ZCCHC14: variants seen among roughly 807,000 people sequenced by gnomAD.
The protein encoded by ZCCHC14 is zinc finger CCHC-type containing 14.
Under a neutral mutation model 85.0 loss-of-function variants are expected in ZCCHC14, and 16 were observed. That is an observed-to-expected ratio of 0.19 (90% confidence interval 0.13 to 0.29). ZCCHC14 has a LOEUF of 0.29. Ranked by LOEUF, ZCCHC14 falls within the 10% of genes least tolerant of loss-of-function variation. The probability of loss-of-function intolerance (pLI) is 1.00; values close to 1 mark genes in which losing one functional copy is unlikely to be tolerated. For missense variants in ZCCHC14, 1,303 were observed against 1,443.5 expected (o/e 0.90, Z 1.58); for synonymous variants, 775 against 630.7 (o/e 1.23, Z -3.43).
chr16:87,422,000 G>A (rs543977880), intron 4 of ZCCHC14, among the ~76,000 whole-genome samples: 1 of 152,122 alleles, frequency 6.6e-6, no homozygotes, highest in Non-Finnish European at 1.5e-5. Context: ...ACCAGATTCA[G>A]AAATAACTCA....
chr16:87,421,538 T>C (rs1409818556), intron 4 of ZCCHC14, among the ~76,000 whole-genome samples: 3 of 152,054 alleles, frequency 2.0e-5, no homozygotes, highest in South Asian at 4.2e-4. Flanking sequence ...CAGGCTGGGC[T>C]GCAAGAGTGA....
At chr16:87,481,552 G>GGGA (rs1567544383) in intron 1 of ZCCHC14, among the ~76,000 whole-genome samples, 2 of 31,166 alleles carry the variant, frequency 6.4e-5, no homozygotes, top group Non-Finnish European at 1.4e-4. Context: ...TGGGGGGGGG[G>GGGA]AAGGGTAAGC....
At position 87,492,139 on chromosome 16, in the gene ZCCHC14, C is replaced by T; in HGVS notation, c.100G>A (p.Asp34Asn). 1 of 1,310,188 alleles carries T rather than the reference C, an allele frequency of 7.6e-7. No individual in the cohort carries two copies. Among genetic ancestry groups the T allele is most frequent in the South Asian group, 1.7e-5 (1 of 59,198 alleles). The allele number at this position is 1,310,188 out of a possible 1,614,324, so 81.2% of individuals were successfully genotyped here. ...QRVEFLCGLL[D>N]LCIPLELRFL... ...CGAAGCTCGAGCGGGATGCACAGGTCCAGCAGGCCGCACAGGAACTCCACG... is the reference window on the plus strand; with the variant it reads ...CGAAGCTCGAGCGGGATGCACAGGTTCAGCAGGCCGCACAGGAACTCCACG... Residue 34 changes from aspartate to asparagine, a missense_variant, in exon 1 of 13, where the codon GAC becomes AAC. By Grantham distance (23) the Asp-to-Asn change is conservative. Transcript: ENST00000671377. The surrounding 1 kb of genome is among the most constrained non-coding windows in gnomAD (Gnocchi z 6.7).
intron 1 of ZCCHC14, among the ~76,000 whole-genome samples, chr16:87,490,038 A>G (rs984293396): frequency 1.4e-4 from 21 of 152,186 alleles, no homozygotes; most frequent in African/African-American, 3.9e-4. Flanking sequence ...ACTATAAACA[A>G]CTACATTTCC....
Position 87,412,787 on chromosome 16 carries a change from C to A in ZCCHC14, c.1934G>T (p.Arg645Leu), listed in dbSNP as rs760675640. The A allele has an allele frequency of 6.2e-7, 1 of 1,613,396 alleles. No individual in the cohort carries two copies. Among genetic ancestry groups the A allele is most frequent in the Non-Finnish European group, 8.5e-7 (1 of 1,179,584 alleles). Reference protein sequence around the residue: ...LSAASHITPIRMLNSVHKPER... With the variant: ...LSAASHITPILMLNSVHKPER... ...CGGCTTGTGCACGGAATTCAGCATGCGGATGGGTGTGATGTGTGAGGCTGC... is the reference window on the plus strand; with the variant it reads ...CGGCTTGTGCACGGAATTCAGCATGAGGATGGGTGTGATGTGTGAGGCTGC... Residue 645 changes from arginine to leucine, a missense_variant, in exon 12 of 13, where the codon CGC becomes CTC. Arg to Leu is a moderately radical substitution (Grantham distance 102). This residue lies in a region of ZCCHC14 where 797 missense variants were observed against 730.8 expected (regional missense o/e 1.09). Transcript: ENST00000671377.
chr16:87,481,596 G>C (rs1290222439), intron 1 of ZCCHC14, among the ~76,000 whole-genome samples: 1 of 131,658 alleles, frequency 7.6e-6, no homozygotes, highest in Admixed American at 8.9e-5. Context: ...AGAAAGGAAA[G>C]TACAGGGGGA....
chr16:87,446,796 G>C (rs1032169544), intron 2 of ZCCHC14, among the ~76,000 whole-genome samples: 1 of 151,674 alleles, frequency 6.6e-6, no homozygotes. Flanking sequence ...CAATTCTCTT[G>C]TCTCAGCCTC....
chr16:87,421,883 G>A (rs903961000), intron 4 of ZCCHC14, among the ~76,000 whole-genome samples: 2 of 151,890 alleles, frequency 1.3e-5, no homozygotes, highest in Non-Finnish European at 2.9e-5. Context: ...CCGGCTCCAC[G>A]GTCATCTAAA....
Position 87,431,696 on chromosome 16 carries a change from C to A in ZCCHC14, c.768+1432G>T, listed in dbSNP as rs183987340. ...CGTGCACAGCACCTTCTTAAGTGCA[C>A]AGTCCCCACCAGTATCTGAAGAGGC... On this transcript the variant is annotated intron_variant, in intron 3 of 12. Transcript: ENST00000671377. Among the ~76,000 whole-genome samples the A allele has an allele frequency of 1.5e-4, 23 of 152,274 alleles. No individual in the cohort carries two copies. In the South Asian group the frequency reaches 2.9e-3, roughly 19 times the overall value.
intron 2 of ZCCHC14, among the ~76,000 whole-genome samples, chr16:87,449,427 C>T (rs1384003126): frequency 6.6e-6 from 1 of 151,942 alleles, no homozygotes; most frequent in Non-Finnish European, 1.5e-5. Context: ...CTAGGCCCTC[C>T]ATCCATGATC....
rs1908261771 is a variant in ZCCHC14 at position 87,407,665 on chromosome 16, G to C, written c.*2615C>G. 1 of 152,242 alleles carries C rather than the reference G, an allele frequency of 6.6e-6. No individual in the cohort carries two copies. 9.4% of individuals were successfully genotyped at this position (152,242 alleles called of 1,614,324 possible). ...AGGGCAAAGACGTGGCACATGGCCAGTGCCACACCTACCTGGTTGCCACAG... is the reference window on the plus strand; with the variant it reads ...AGGGCAAAGACGTGGCACATGGCCACTGCCACACCTACCTGGTTGCCACAG... On this transcript the variant is annotated 3_prime_UTR_variant, in exon 13 of 13. Transcript: ENST00000671377.
In ZCCHC14 at chr16:87,485,710, C is replaced by G. The variant is rs190639858; in HGVS notation, c.570+5959G>C. 2.0e-5 allele frequency among the ~76,000 whole-genome samples: 3 copies of G among 152,128 alleles called. No homozygotes were observed. In the East Asian group the frequency reaches 5.8e-4, roughly 29 times the overall value. On this transcript the variant is annotated intron_variant, in intron 1 of 12. Transcript: ENST00000671377. ...AGCATAACAAAAATTTCTTCGTCAT[C>G]AATTCAACAAACAAAGATGCCCCAG...
intron 1 of ZCCHC14, among the ~76,000 whole-genome samples, chr16:87,481,362 T>C (rs1175728117): frequency 6.6e-6 from 1 of 152,112 alleles, no homozygotes; most frequent in East Asian, 1.9e-4. Context: ...AGATTTCTAA[T>C]CAGAAGCAAA....
At chr16:87,463,947 G>A (rs1340859199) in intron 1 of ZCCHC14, among the ~76,000 whole-genome samples, 1 of 152,174 alleles carries the variant, frequency 6.6e-6, no homozygotes, top group Non-Finnish European at 1.5e-5. Context: ...AGCCTCCTGA[G>A]TAACTGGGAC....
Position 87,418,862 on chromosome 16 carries a change from A to C in ZCCHC14, c.1085T>G (p.Met362Arg). 1.2e-5 allele frequency: 20 copies of C among 1,613,554 alleles called. No individual in the cohort carries two copies. Among genetic ancestry groups the C allele is most frequent in the Non-Finnish European group, 1.5e-5 (18 of 1,179,634 alleles). The change falls in exon 7 of 13, where the codon ATG (methionine) becomes AGG (arginine). Residue 362 changes from methionine (M) to arginine (R), a missense_variant. Transcript: ENST00000671377. ...GATTTCTCACCTTCCAGACACGCCC[A>C]TCACGGTACCTACTTTAGAAAGGGA... ...NPSLSKVGTV[M>R]GVSGRPVCGV...
At position 87,481,900 on chromosome 16, in the gene ZCCHC14, A is replaced by G. The variant is rs190794803; in HGVS notation, c.570+9769T>C. Among the ~76,000 whole-genome samples the G allele has an allele frequency of 3.3e-5, 5 of 152,304 alleles. No individual in the cohort carries two copies. In the East Asian group the frequency reaches 9.7e-4, roughly 29 times the overall value. On this transcript the variant is annotated intron_variant, in intron 1 of 12. Coordinates refer to ENST00000671377, the MANE Select transcript of ZCCHC14 (RefSeq NM_015144.3). ...CTGGAGGCTGCAAAGTCCAACAGCA[A>G]CAGCCTGTATCTGCTTAGGGCCTTC...
intron 1 of ZCCHC14, among the ~76,000 whole-genome samples, chr16:87,464,862 C>T (rs1911446492): frequency 6.6e-6 from 1 of 152,210 alleles, no homozygotes; most frequent in African/African-American, 2.4e-5. Flanking sequence ...TGCTCTCTGA[C>T]TCAGGCTCAC....
Position 87,491,823 on chromosome 16 carries a change from G to A in ZCCHC14, c.416C>T (p.Ala139Val). Residue 139 changes from alanine to valine, a missense_variant, in exon 1 of 13, where the codon GCC (alanine) becomes GTC (valine). Physicochemically the swap from Ala to Val is moderately conservative, Grantham distance 64. This residue lies in a region of ZCCHC14 where 389 missense variants were observed against 397.8 expected (regional missense o/e 0.98). Coordinates refer to ENST00000671377, the MANE Select transcript of ZCCHC14 (RefSeq NM_015144.3). The surrounding 1 kb of genome is among the most constrained non-coding windows in gnomAD (Gnocchi z 5.9). ...GDEFLLLFTM[A>V]SNHPAFSFHQ... ...GAAGCTGAAGGCCGGGTGGTTGGAG[G>A]CCATGGTGAACAGCAGCAGGAACTC... 6.3e-7 allele frequency: 1 copy of A among 1,584,510 alleles called. No homozygotes were observed. Among genetic ancestry groups the A allele is most frequent in the Non-Finnish European group, 8.5e-7 (1 of 1,169,624 alleles).
chr16:87,441,209 G>A (rs1157671573), intron 2 of ZCCHC14, among the ~76,000 whole-genome samples: 1 of 151,186 alleles, frequency 6.6e-6, no homozygotes, highest in African/African-American at 2.4e-5. Context: ...AGCCAGGATG[G>A]TCTCGATCTC....
Sources: gnomAD v4.1 joint callset for allele counts (sites outside exome capture counted in the v4.1 genomes callset) on GRCh38, gnomAD v4.1.1 for gene constraint, gnomAD v4.1.1 regional missense constraint, Gnocchi (gnomAD v3.1) non-coding constraint, MANE v1.5 for transcripts, NCBI Gene and HGNC (gene_info 2026-07-23, HGNC 2026-07-21) for gene names.